The following GIN1 variants were observed in gnomAD, a reference collection of about 807,000 sequenced individuals.
GIN1 encodes gypsy retrotransposon integrase-like protein 1.
In GIN1, 41 loss-of-function variants were observed where a neutral mutation model predicts 51.4. The ratio of observed to expected loss-of-function variants is 0.80; its 90% confidence interval spans 0.62 to 1.04. The LOEUF is 1.04. Ranked by LOEUF, GIN1 falls within the 50% of genes least tolerant of loss-of-function variation. The pLI is 0.00. For synonymous variants in GIN1, 222 were observed against 206.5 expected (o/e 1.07, Z -0.64); for missense variants, 610 against 612.4 (o/e 1.00, Z 0.04).
chr5:103,088,512 G>T (rs1263163454), intron 7 of GIN1, among the ~76,000 whole-genome samples: 1 of 152,114 alleles, frequency 6.6e-6, no homozygotes, highest in Non-Finnish European at 1.5e-5. Context: ...AAATAATAAG[G>T]CTGTGCACAG....
At position 103,099,230 on chromosome 5, in the gene GIN1, C is replaced by G. The variant is rs1787499634; in HGVS notation, c.640-1449G>C. 2.6e-5 allele frequency among the ~76,000 whole-genome samples: 4 copies of G among 152,222 alleles called. No individual in the cohort carries two copies. The South Asian group carries it at 8.3e-4, about 32-fold the overall frequency. On this transcript the variant is annotated intron_variant, in intron 4 of 7. Transcript: ENST00000399004. ...GTAAGTAAAAGTTGTTAGGCAAACT[C>G]AGCTGGTACTAGCTTTGTTTGCCCA...
chr5:103,097,729 T>C lies in GIN1; in HGVS notation c.692A>G (p.His231Arg). 1 of 1,589,212 alleles carries C rather than the reference T, an allele frequency of 6.3e-7. No individual in the cohort carries two copies. Among genetic ancestry groups the C allele is most frequent in the East Asian group, 2.2e-5 (1 of 44,722 alleles). The part of the protein sequence containing the change: ...LFGIKQIVIS[H>R]TSGTVNPTES... ...CGTTGGGTTAACAGTTCCAGAGGTG[T>C]GAGAAATTACAATTTGCTTTATGCC... Residue 231 changes from histidine to arginine, a missense_variant, in exon 5 of 8, where the codon CAC (histidine) becomes CGC (arginine). By Grantham distance (29) the His-to-Arg change is conservative. Transcript: ENST00000399004.
intron 2 of GIN1, among the ~76,000 whole-genome samples, 159 bp downstream of exon 2, chr5:103,108,410 A>G (rs529467323): frequency 8.5e-5 from 13 of 152,144 alleles, no homozygotes; most frequent in Non-Finnish European, 1.9e-4. Flanking sequence ...AGTTAGCTTG[A>G]GTGTAATTTT....
At chr5:103,104,376 T>A (rs967141109) in intron 4 of GIN1, among the ~76,000 whole-genome samples, 165 bp downstream of exon 4, 3 of 152,214 alleles carry the variant, frequency 2.0e-5, no homozygotes, top group Admixed American at 2.0e-4. Flanking sequence ...AATCTCCTAA[T>A]TTCCAGTACA....
chr5:103,105,603 G>C (rs1787701887), intron 3 of GIN1, among the ~76,000 whole-genome samples: 1 of 152,120 alleles, frequency 6.6e-6, no homozygotes, highest in Non-Finnish European at 1.5e-5. Flanking sequence ...AACCCATGCT[G>C]TCCTGCAGCT....
At chr5:103,114,382 A>G (rs1404212024) in intron 1 of GIN1, among the ~76,000 whole-genome samples, 2 of 152,248 alleles carry the variant, frequency 1.3e-5, no homozygotes, top group Admixed American at 6.5e-5. Context: ...GATACATTAT[A>G]TAAGAACTGT....
At chr5:103,098,037 C>G (rs1413954990) in intron 4 of GIN1, among the ~76,000 whole-genome samples, 1 of 152,048 alleles carries the variant, frequency 6.6e-6, no homozygotes, top group Non-Finnish European at 1.5e-5. Context: ...TGTGCGCCAC[C>G]ACACCCGGCT....
At chr5:103,100,753 C>T (rs1484304663) in intron 4 of GIN1, among the ~76,000 whole-genome samples, 2 of 151,946 alleles carry the variant, frequency 1.3e-5, no homozygotes, top group South Asian at 2.1e-4. Context: ...ACTTTAAACA[C>T]GACTGGAAAA....
At chr5:103,101,547 C>T (rs190892611) in intron 4 of GIN1, among the ~76,000 whole-genome samples, 357 of 152,242 alleles carry the variant, frequency 2.3e-3, no homozygotes, top group African/African-American at 8.2e-3. Flanking sequence ...GACGTGCCGG[C>T]GCTATCACTT....
intron 1 of GIN1, among the ~76,000 whole-genome samples, chr5:103,116,322 C>T (rs566207572): frequency 9.9e-5 from 15 of 152,164 alleles, no homozygotes; most frequent in Non-Finnish European, 1.8e-4. Context: ...ACAGAAATAG[C>T]CACTCAGTTA....
At chr5:103,091,898 GCCTGT>G (rs1554194584) in intron 7 of GIN1, among the ~76,000 whole-genome samples, 2 of 152,078 alleles carry the variant, frequency 1.3e-5, no homozygotes, top group African/African-American at 4.8e-5. Flanking sequence ...GGAGGTGGGC[GCCTGT>G]AATCCCAGCT....
intron 1 of GIN1, among the ~76,000 whole-genome samples, chr5:103,117,420 G>A (rs1023433237): frequency 6.6e-6 from 1 of 151,972 alleles, no homozygotes; most frequent in African/African-American, 2.4e-5. Flanking sequence ...AGAATGTTTT[G>A]GTCAAGGATG....
In GIN1 at chr5:103,104,862, A is replaced by G; in HGVS notation, c.334-16T>C. The G allele has an allele frequency of 6.7e-7, 1 of 1,492,246 alleles. No homozygotes were observed. Among genetic ancestry groups the G allele is most frequent in the Non-Finnish European group, 9.1e-7 (1 of 1,095,888 alleles). 92.4% of individuals were successfully genotyped at this position (1,492,246 alleles called of 1,614,324 possible). A position where few individuals can be genotyped will look rare whatever the true frequency, so the allele number is the denominator to read the frequency against. On this transcript the variant is annotated splice_polypyrimidine_tract_variant and intron_variant, in intron 3 of 7. Coordinates refer to ENST00000399004, the MANE Select transcript of GIN1 (RefSeq NM_017676.2). ...AAGCATATACCTACAACAGGCACAC[A>G]ATAAAGAAAACACATACAAATGTTA...
chr5:103,093,248 G>C (rs1214802062), intron 7 of GIN1, among the ~76,000 whole-genome samples: 6 of 152,160 alleles, frequency 3.9e-5, no homozygotes, highest in African/African-American at 1.4e-4. Flanking sequence ...CCTTAAAATA[G>C]GGGGATTATC....
At chr5:103,097,206 T>G in intron 6 of GIN1, 108 bp downstream of exon 6, 1 of 680,918 alleles carries the variant, frequency 1.5e-6, no homozygotes, top group Non-Finnish European at 2.5e-6. Flanking sequence ...TTATGGCAAG[T>G]AAGTATGTGT....
chr5:103,116,517 A>G (rs1554197390), intron 1 of GIN1, among the ~76,000 whole-genome samples: 1 of 152,124 alleles, frequency 6.6e-6, no homozygotes, highest in African/African-American at 2.4e-5. Flanking sequence ...AAAACTATAC[A>G]ACTTCTCGAA....
At chr5:103,091,964 G>T (rs1554194592) in intron 7 of GIN1, among the ~76,000 whole-genome samples, 1 of 151,778 alleles carries the variant, frequency 6.6e-6, no homozygotes, top group African/African-American at 2.4e-5. Flanking sequence ...GGCGGAGGTT[G>T]CAGGCAGCCA....
At chr5:103,119,154 T>C (rs1167894096) in intron 1 of GIN1, among the ~76,000 whole-genome samples, 1 of 152,206 alleles carries the variant, frequency 6.6e-6, no homozygotes, top group Non-Finnish European at 1.5e-5. Flanking sequence ...CAGTTAGGTA[T>C]TATGTCAAGA....
chr5:103,119,714 T>G (rs1554198197), intron 1 of GIN1, among the ~76,000 whole-genome samples: 2 of 152,196 alleles, frequency 1.3e-5, no homozygotes, highest in African/African-American at 4.8e-5. Context: ...TCTCAAACGC[T>G]GTGAGGGAGC....
Sources: gnomAD v4.1 joint callset for allele counts (sites outside exome capture counted in the v4.1 genomes callset) on GRCh38, gnomAD v4.1.1 for gene constraint, MANE v1.5 for transcripts, NCBI Gene and HGNC (gene_info 2026-07-23, HGNC 2026-07-21) for gene names.